The following NRXN1 variants were observed in gnomAD, a reference collection of about 807,000 sequenced individuals.
The protein encoded by NRXN1 is neurexin 1.
NRXN1 carries 39 observed loss-of-function variants against 150.9 expected under a neutral mutation model. The ratio of observed to expected loss-of-function variants is 0.26; its 90% CI spans 0.20 to 0.34. NRXN1 has a LOEUF of 0.34. Ranked by LOEUF, NRXN1 falls within the 10% of genes least tolerant of loss-of-function variation. NRXN1 has a pLI of 1.00. For synonymous variants in NRXN1, 924 were observed against 757.0 expected (o/e 1.22, Z -3.62); for missense variants, 1,815 against 1,949.9 (o/e 0.93, Z 1.30).
intron 5 of NRXN1, among the ~76,000 whole-genome samples, chr2:50,779,685 G>A (rs556915486): frequency 2.6e-5 from 4 of 152,094 alleles, no homozygotes; most frequent in South Asian, 2.1e-4. Flanking sequence ...GGAGAATGGC[G>A]TGAACCTGGG....
intron 17 of NRXN1, among the ~76,000 whole-genome samples, chr2:50,363,257 A>G (rs1286820939): frequency 2.6e-5 from 4 of 152,204 alleles, no homozygotes; most frequent in Non-Finnish European, 5.9e-5. Context: ...TGATTAAACT[A>G]AGGAGCTTCT....
Position 50,697,919 on chromosome 2 carries a change from C to A in NRXN1, c.833-74304G>T, listed in dbSNP as rs558159271. The stretch of plus-strand genomic sequence containing the variant: ...CTCCATAGCTCTTCACACGGCTGCA[C>A]TTCCTGCTACTCTCACTTAAAGTCA... On this transcript the variant is annotated intron_variant, in intron 5 of 22. Coordinates refer to ENST00000401669, the MANE Select transcript of NRXN1 (RefSeq NM_001330078.2). Among the ~76,000 whole-genome samples the A allele has an allele frequency of 2.3e-3, 353 of 152,302 alleles. 1 individual carries two copies. Among genetic ancestry groups the A allele is most frequent in the Non-Finnish European group, 2.9e-3 (198 of 68,024 alleles).
chr2:50,797,343 T>C (rs72889430), intron 5 of NRXN1, among the ~76,000 whole-genome samples: 4,243 of 152,040 alleles, frequency 0.028, 211 homozygotes, highest in African/African-American at 0.097. Context: ...ACTGGAGATA[T>C]TGCTCCCCAG....
intron 17 of NRXN1, among the ~76,000 whole-genome samples, chr2:50,355,007 G>A (rs2078692440): frequency 6.6e-6 from 1 of 151,944 alleles, no homozygotes; most frequent in South Asian, 2.1e-4. Context: ...AAATTCTTTG[G>A]TAAACACAGA....
chr2:50,790,222 G>T (rs972452055), intron 5 of NRXN1, among the ~76,000 whole-genome samples: 4 of 151,872 alleles, frequency 2.6e-5, no homozygotes, highest in Non-Finnish European at 5.9e-5. Flanking sequence ...TTCAGTTCTT[G>T]CAACTCTTCC....
intron 5 of NRXN1, among the ~76,000 whole-genome samples, chr2:50,804,714 T>C (rs1394725221): frequency 6.6e-6 from 1 of 152,176 alleles, no homozygotes; most frequent in Non-Finnish European, 1.5e-5. Flanking sequence ...TTTGCTGATT[T>C]CCTTCCTAAT....
chr2:50,835,381 A>C (rs1318704788), intron 5 of NRXN1, among the ~76,000 whole-genome samples: 1 of 152,166 alleles, frequency 6.6e-6, no homozygotes, highest in Non-Finnish European at 1.5e-5. Context: ...AATCCTACCC[A>C]GTTGCTTTTC....
intron 19 of NRXN1, among the ~76,000 whole-genome samples, chr2:50,073,823 T>C (rs1696652233): frequency 6.6e-6 from 1 of 152,180 alleles, no homozygotes; most frequent in African/African-American, 2.4e-5. Flanking sequence ...TCATATAAGC[T>C]CTTACACATA....
chr2:50,873,722 T>G (rs1037169060), intron 5 of NRXN1, among the ~76,000 whole-genome samples: 1 of 151,870 alleles, frequency 6.6e-6, no homozygotes, highest in Middle Eastern at 3.2e-3. Flanking sequence ...CTGCACCTGT[T>G]AGATCATTAT....
At chr2:50,051,250 A>G (rs1692665635) in intron 21 of NRXN1, among the ~76,000 whole-genome samples, 2 of 152,036 alleles carry the variant, frequency 1.3e-5, no homozygotes, top group South Asian at 2.1e-4. Context: ...CTTAAAAATA[A>G]TATTTCTTAA....
intron 21 of NRXN1, among the ~76,000 whole-genome samples, chr2:50,021,296 C>T (rs533020516): frequency 1.1e-4 from 16 of 152,036 alleles, no homozygotes; most frequent in East Asian, 3.9e-4. Context: ...CTAAGACATA[C>T]GGAAAATATC....
In NRXN1 at chr2:50,889,979, T is replaced by A. The variant is rs879365163; in HGVS notation, c.832+31890A>T. Among the ~76,000 whole-genome samples the A allele has an allele frequency of 2.3e-4, 35 of 151,838 alleles. 1 individual carries two copies. Among genetic ancestry groups the A allele is most frequent in the Admixed American group, 1.7e-3 (26 of 15,194 alleles). On this transcript the variant is annotated intron_variant, in intron 5 of 22. Transcript: ENST00000401669. Reference sequence around the variant, plus strand: ...CTTTAAAATAAATCTAATTTATCAGTATTTAAAATATTTTTAATAATGCTG... The same window carrying A: ...CTTTAAAATAAATCTAATTTATCAGAATTTAAAATATTTTTAATAATGCTG...
At chr2:50,555,581 A>AGC (rs1232982913) in intron 8 of NRXN1, among the ~76,000 whole-genome samples, 1 of 152,222 alleles carries the variant, frequency 6.6e-6, no homozygotes, top group Non-Finnish European at 1.5e-5. Flanking sequence ...TGCTCACCAC[A>AGC]GCGCAGCACC....
At chr2:51,018,012 G>A (rs915457910) in intron 2 of NRXN1, among the ~76,000 whole-genome samples, 2 of 152,004 alleles carry the variant, frequency 1.3e-5, no homozygotes, top group Non-Finnish European at 2.9e-5. Context: ...CCTTGTCTCC[G>A]CTGGACGGGG....
In NRXN1 at chr2:50,266,607, C is replaced by T. The variant is rs6746536; in HGVS notation, c.3365-29637G>A. Among the ~76,000 whole-genome samples the T allele has an allele frequency of 9.1e-3, 1,363 of 150,128 alleles. 13 individuals carry two copies. Among genetic ancestry groups the T allele is most frequent in the African/African-American group, 0.032 (1,305 of 40,860 alleles). ...TTCTAGAAGAACTAAGGTAAAGTTG[C>T]GTTTGAAAATGGTAATAAGAGTGTG... On this transcript the variant is annotated intron_variant, in intron 17 of 22. Coordinates refer to ENST00000401669, the MANE Select transcript of NRXN1 (RefSeq NM_001330078.2).
intron 5 of NRXN1, among the ~76,000 whole-genome samples, chr2:50,762,331 A>AT (rs1327952776): frequency 6.6e-6 from 1 of 150,738 alleles, no homozygotes. Context: ...ACTTTTTTAA[A>AT]TTTTTTTTTC....
chr2:50,150,886 T>G (rs1330571536), intron 18 of NRXN1, among the ~76,000 whole-genome samples: 1 of 151,616 alleles, frequency 6.6e-6, no homozygotes, highest in African/African-American at 2.4e-5. Context: ...TGAACACATT[T>G]GATTGGTCCA....
intron 15 of NRXN1, among the ~76,000 whole-genome samples, chr2:50,486,107 A>T (rs947440823): frequency 2.6e-5 from 4 of 152,218 alleles, no homozygotes; most frequent in African/African-American, 9.6e-5. Flanking sequence ...TTAACACAAT[A>T]CATTTTAAAG....
chr2:50,741,719 T>C (rs749945748), intron 5 of NRXN1, among the ~76,000 whole-genome samples: 1 of 152,186 alleles, frequency 6.6e-6, no homozygotes, highest in African/African-American at 2.4e-5. Flanking sequence ...ATTTTCTTCA[T>C]GCTGGCTTTC....
Sources: allele counts gnomAD v4.1 joint callset (sites outside exome capture counted in the v4.1 genomes callset), GRCh38; gene constraint gnomAD v4.1.1; transcripts MANE v1.5; gene names NCBI Gene and HGNC (gene_info 2026-07-23, HGNC 2026-07-21).